GNB5: variants seen among roughly 807,000 people sequenced by gnomAD.
GNB5 encodes the protein guanine nucleotide-binding protein subunit beta-5.
In GNB5, 37 loss-of-function variants were observed where a neutral mutation model predicts 55.3. The ratio of observed to expected loss-of-function variants is 0.67; its 90% CI spans 0.51 to 0.88. The LOEUF (loss-of-function observed/expected upper bound fraction) is 0.88, where lower values mean the gene tolerates loss of function less well. GNB5 is among the 40% of genes least tolerant of loss of function. The pLI, the probability that GNB5 is intolerant of heterozygous loss-of-function variation, is 0.00. For missense variants in GNB5, 476 were observed against 515.3 expected (o/e 0.92, Z 0.74); for synonymous variants, 219 against 198.5 (o/e 1.10, Z -0.87).
chr15:52,147,555 G>A lies in GNB5; in HGVS notation c.418-20C>T. 7.4e-7 allele frequency: 1 copy of A among 1,358,716 alleles called. No homozygotes were observed. Among genetic ancestry groups the A allele is most frequent in the Non-Finnish European group, 1.0e-6 (1 of 979,252 alleles). 84.2% of individuals were successfully genotyped at this position (1,358,716 alleles called of 1,614,324 possible). Reference sequence around the variant, plus strand: ...GTGCTCCTGAAACACAGCACAGAGTGAACAACTAGCACTTCCACACAAAAA... The same window carrying A: ...GTGCTCCTGAAACACAGCACAGAGTAAACAACTAGCACTTCCACACAAAAA... On this transcript the variant is annotated intron_variant, in intron 5 of 12. Coordinates refer to ENST00000261837, the MANE Select transcript of GNB5 (RefSeq NM_016194.4).
chr15:52,142,860 A>C (rs1290846276), intron 6 of GNB5, among the ~76,000 whole-genome samples: 1 of 152,114 alleles, frequency 6.6e-6, no homozygotes, highest in East Asian at 1.9e-4. Flanking sequence ...TTGTTTATAC[A>C]ATGTGCGGAG....
At chr15:52,139,764 C>T (rs1206394349) in intron 7 of GNB5, 1 of 1,198,080 alleles carries the variant, frequency 8.3e-7, no homozygotes, top group Non-Finnish European at 1.1e-6. Flanking sequence ...CTGTGACTTC[C>T]CTTTATCTCC....
chr15:52,153,990 G>A lies in GNB5; in HGVS notation c.325C>T (p.Leu109=). 2 of 1,614,142 alleles carry A rather than the reference G, an allele frequency of 1.2e-6. No homozygotes were observed. Among genetic ancestry groups the A allele is most frequent in the Non-Finnish European group, 1.7e-6 (2 of 1,179,988 alleles). The part of the protein sequence containing the change: ...RTLKGHGNKV[L]CMDWCKDKRR... ...TTATCTTTGCACCAGTCCATGCACA[G>A]GACTTTGTTCCCGTGGCCTTTGAGG... The change falls in exon 4 of 13, where the codon CTG becomes TTG. Residue 109 remains leucine (L), a synonymous_variant. Transcript: ENST00000261837.
chr15:52,188,159 A>G (rs1031297801), intron 1 of GNB5, among the ~76,000 whole-genome samples: 1 of 152,142 alleles, frequency 6.6e-6, no homozygotes, highest in African/African-American at 2.4e-5. Flanking sequence ...TAGCATTTTC[A>G]TCTTCACGTC....
Position 52,124,637 on chromosome 15 carries a change from G to A in GNB5, c.1012C>T (p.Arg338Cys), listed in dbSNP as rs745415253. ...ASSVDFSLSG[R>C]LLFAGYNDYT... ...TCATTGTATCCAGCAAACAGCAGGC[G>A]ACCTTGAAGCAGGGTGAGATGATAG... Residue 338 changes from arginine to cysteine, a missense_variant and splice_region_variant, in exon 12 of 13, where the codon CGC (arginine) becomes TGC (cysteine). Arg to Cys is a radical substitution (Grantham distance 180, BLOSUM62 -3). Transcript: ENST00000261837. The A allele has an allele frequency of 9.9e-6, 16 of 1,613,342 alleles. No individual in the cohort carries two copies. The highest frequency in any genetic ancestry group is 3.4e-6 in the Non-Finnish European group (4 of 1,179,566).
chr15:52,182,354 T>G (rs1172775312), intron 2 of GNB5, among the ~76,000 whole-genome samples: 1 of 152,180 alleles, frequency 6.6e-6, no homozygotes, highest in Non-Finnish European at 1.5e-5. Context: ...TTTGGACCGT[T>G]GCAGGATGTG....
At position 52,184,604 on chromosome 15, in the gene GNB5, G is replaced by C. The variant is rs2034818226; in HGVS notation, c.73C>G (p.Pro25Ala). The C allele has an allele frequency of 6.8e-6, 11 of 1,612,762 alleles. No individual in the cohort carries two copies. The highest frequency in any genetic ancestry group is 3.3e-5 in the Admixed American group (2 of 60,010). ...DKCFKQRALR[P>A]VFKKSQQLSY... is the part of the protein sequence containing the mutation. ...AGTTGTTGAGACTTCTTGAAAACTG[G>C]TCTCAGAGCTCGTTGTTTGAAACAT... Residue 25 changes from proline (P) to alanine (A), a missense_variant, in exon 2 of 13, where the codon CCA (proline) becomes GCA (alanine). Physicochemically the swap from Pro to Ala is conservative, Grantham distance 27 (BLOSUM62 -1). Transcript: ENST00000261837.
At chr15:52,142,255 T>A (rs368467097) in intron 6 of GNB5, among the ~76,000 whole-genome samples, 14 of 152,304 alleles carry the variant, frequency 9.2e-5, no homozygotes, top group African/African-American at 3.1e-4. Flanking sequence ...AGTAATAATC[T>A]GTGGTGTGAT....
intron 1 of GNB5, among the ~76,000 whole-genome samples, chr15:52,187,280 C>T (rs982362148): frequency 4.2e-4 from 64 of 152,198 alleles, no homozygotes; most frequent in Non-Finnish European, 2.5e-4. Flanking sequence ...AGCATTAGGA[C>T]GGTGAGCCAC....
chr15:52,124,395 C>G, intron 12 of GNB5, 78 bp downstream of exon 12: 2 of 1,201,374 alleles, frequency 1.7e-6, no homozygotes, highest in Non-Finnish European at 2.4e-6. Context: ...CTCTGATAGC[C>G]TTCCCTCTGC....
intron 2 of GNB5, chr15:52,180,360 A>AG (rs2034748980): frequency 6.6e-6 from 1 of 152,614 alleles, no homozygotes; most frequent in Admixed American, 6.5e-5. Flanking sequence ...CTGCAGGCAG[A>AG]GAGAGGACGG....
chr15:52,178,218 A>G (rs1368398448), intron 3 of GNB5, among the ~76,000 whole-genome samples: 1 of 152,208 alleles, frequency 6.6e-6, no homozygotes. Flanking sequence ...AACACTTAGC[A>G]GGGGACCTTC....
intron 8 of GNB5, among the ~76,000 whole-genome samples, chr15:52,134,344 T>C (rs1322954522): frequency 6.6e-6 from 1 of 152,146 alleles, no homozygotes; most frequent in Non-Finnish European, 1.5e-5. Context: ...TGGTTTCAAC[T>C]TGGAGCAGAG....
intron 7 of GNB5, 49 bp from the exon 8 acceptor site, chr15:52,135,805 G>A: frequency 6.3e-7 from 1 of 1,598,238 alleles, no homozygotes. Flanking sequence ...TATTGCTTAT[G>A]CCGGGGGCAG....
At chr15:52,173,911 G>GGAT (rs2034598942) in intron 3 of GNB5, among the ~76,000 whole-genome samples, 1 of 152,174 alleles carries the variant, frequency 6.6e-6, no homozygotes, top group Admixed American at 6.5e-5. Context: ...CTAAATAATG[G>GGAT]CCCCCAAAGG....
At chr15:52,140,413 G>T (rs1003524574) in intron 7 of GNB5, among the ~76,000 whole-genome samples, 1 of 152,126 alleles carries the variant, frequency 6.6e-6, no homozygotes, top group African/African-American at 2.4e-5. Context: ...GAGTGGCAGC[G>T]GTCCCTCTTC....
Position 52,147,439 on chromosome 15 carries a change from C to A in GNB5, c.494+20G>T. On this transcript the variant is annotated intron_variant, in intron 6 of 12. Coordinates refer to ENST00000261837, the MANE Select transcript of GNB5 (RefSeq NM_016194.4). ...TATGGTTAACACAAATTCTGAAAAG[C>A]TGCTGTAGCTCCAACTTACCCACAA... The A allele has an allele frequency of 7.1e-7, 1 of 1,416,640 alleles. No individual in the cohort carries two copies. The highest frequency in any genetic ancestry group is 2.3e-5 in the East Asian group (1 of 43,906). 87.8% of individuals were successfully genotyped at this position (1,416,640 alleles called of 1,614,324 possible). A position where few individuals can be genotyped will look rare whatever the true frequency, so the allele number is the denominator to read the frequency against.
intron 7 of GNB5, chr15:52,137,071 T>TCTTGCAAGACCCACCA: frequency 2.0e-6 from 1 of 506,224 alleles, no homozygotes; most frequent in East Asian, 6.9e-5. Flanking sequence ...AGACCCACCT[T>TCTTGCAAGACCCACCA]AAAATCACCA....
intron 1 of GNB5, among the ~76,000 whole-genome samples, chr15:52,187,773 A>G (rs2141245445): frequency 6.6e-6 from 1 of 152,106 alleles, no homozygotes; most frequent in South Asian, 2.1e-4. Flanking sequence ...ACATAAGGAA[A>G]CCTCATCTCT....
Sources: allele counts gnomAD v4.1 joint callset (sites outside exome capture counted in the v4.1 genomes callset), GRCh38; gene constraint gnomAD v4.1.1; transcripts MANE v1.5; gene names NCBI Gene and HGNC (gene_info 2026-07-23, HGNC 2026-07-21).